TBC1D32: variants seen among roughly 807,000 people sequenced by gnomAD.
TBC1D32 encodes the protein protein broad-minded.
TBC1D32 carries 151 observed loss-of-function variants against 170.3 expected under a neutral mutation model. The ratio of observed to expected loss-of-function variants is 0.89; its 90% CI spans 0.78 to 1.01. The LOEUF is 1.01. Among genes scored for constraint, TBC1D32 ranks in the 50% least tolerant of loss-of-function variants. TBC1D32 has a pLI of 0.00. For missense variants in TBC1D32, 1,464 were observed against 1,457.1 expected (o/e 1.00, Z -0.08); for synonymous variants, 498 against 488.0 (o/e 1.02, Z -0.27).
chr6:121,205,199 T>G (rs1272744203), intron 21 of TBC1D32, 36 bp from the exon 22 acceptor site: 2 of 1,030,634 alleles, frequency 1.9e-6, no homozygotes, highest in African/African-American at 3.4e-5. Flanking sequence ...TGTATTTAAC[T>G]GATATCATTT....
chr6:121,218,683 A>G (rs1008067812), intron 21 of TBC1D32, among the ~76,000 whole-genome samples: 1 of 152,152 alleles, frequency 6.6e-6, no homozygotes, highest in East Asian at 1.9e-4. Context: ...ATAGATACAT[A>G]GAGAGATATA....
At chr6:121,323,289 G>C (rs2128505153) in intron 1 of TBC1D32, among the ~76,000 whole-genome samples, 1 of 130,244 alleles carries the variant, frequency 7.7e-6, no homozygotes, top group East Asian at 2.4e-4. Flanking sequence ...CAGCCTTCTT[G>C]TTTAACTTCT....
intron 1 of TBC1D32, among the ~76,000 whole-genome samples, chr6:121,326,705 C>T (rs760560282): frequency 2.4e-4 from 36 of 151,952 alleles, no homozygotes; most frequent in Non-Finnish European, 2.5e-4. Context: ...TTAAATGAAC[C>T]CAAGGACCCC....
At chr6:121,311,685 C>A (rs1407639594) in intron 3 of TBC1D32, among the ~76,000 whole-genome samples, 2 of 151,058 alleles carry the variant, frequency 1.3e-5, no homozygotes, top group Admixed American at 1.3e-4. Flanking sequence ...CAAAATCATG[C>A]CACTGCACTC....
At chr6:121,140,261 A>G (rs1207973649) in intron 24 of TBC1D32, among the ~76,000 whole-genome samples, 1 of 151,860 alleles carries the variant, frequency 6.6e-6, no homozygotes, top group Non-Finnish European at 1.5e-5. Context: ...CTTCTGTTTT[A>G]TATAATATAT....
intron 21 of TBC1D32, among the ~76,000 whole-genome samples, chr6:121,211,968 GAATA>G (rs1383129788): frequency 1.1e-3 from 163 of 144,096 alleles, no homozygotes; most frequent in African/African-American, 4.0e-3. Flanking sequence ...TGTATCTGCT[GAATA>G]AATAAATGAA....
At chr6:121,305,094 AG>A (rs1207122995) in intron 5 of TBC1D32, among the ~76,000 whole-genome samples, 1 of 152,066 alleles carries the variant, frequency 6.6e-6, no homozygotes, top group Non-Finnish European at 1.5e-5. Flanking sequence ...CATGGTGAGG[AG>A]GGGGTAAGGT....
At chr6:121,143,060 A>G (rs1193852030) in intron 24 of TBC1D32, among the ~76,000 whole-genome samples, 1 of 152,178 alleles carries the variant, frequency 6.6e-6, no homozygotes, top group Non-Finnish European at 1.5e-5. Context: ...CTTATATTAT[A>G]GTACTAGCTA....
At chr6:121,267,347 T>C (rs1800670401) in intron 15 of TBC1D32, among the ~76,000 whole-genome samples, 1 of 151,826 alleles carries the variant, frequency 6.6e-6, no homozygotes, top group Non-Finnish European at 1.5e-5. Flanking sequence ...GCCCAAGGGG[T>C]CAGGGAATTC....
chr6:121,187,719 T>C (rs1375414193), intron 22 of TBC1D32, among the ~76,000 whole-genome samples: 2 of 134,548 alleles, frequency 1.5e-5, no homozygotes, highest in African/African-American at 5.9e-5. Context: ...AGGATGATGA[T>C]GAAGGGAAAT....
chr6:121,310,945 T>A (rs1489922498), intron 3 of TBC1D32, 98 bp from the exon 4 acceptor site: 1 of 728,764 alleles, frequency 1.4e-6, no homozygotes, highest in Non-Finnish European at 2.3e-6. Context: ...CAAAACACAA[T>A]CCAGACAAGA....
intron 3 of TBC1D32, among the ~76,000 whole-genome samples, chr6:121,316,483 AC>A (rs1309471518): frequency 6.6e-6 from 1 of 152,064 alleles, no homozygotes; most frequent in African/African-American, 2.4e-5. Context: ...CTTTTTCCAC[AC>A]AGTTCCTCAG....
chr6:121,085,375 A>G (rs56710830), intron 31 of TBC1D32, among the ~76,000 whole-genome samples: 39,279 of 135,700 alleles, frequency 0.29, 7,688 homozygotes, highest in African/African-American at 0.62. Flanking sequence ...ATATATGTGT[A>G]TATATATATA....
At chr6:121,285,845 T>A (rs1803728329) in intron 12 of TBC1D32, among the ~76,000 whole-genome samples, 1 of 152,218 alleles carries the variant, frequency 6.6e-6, no homozygotes, top group South Asian at 2.1e-4. Flanking sequence ...TCCGCTGTTC[T>A]GCAGCCTCTG....
At chr6:121,097,517 G>A (rs1473512086) in intron 30 of TBC1D32, among the ~76,000 whole-genome samples, 1 of 152,112 alleles carries the variant, frequency 6.6e-6, no homozygotes, top group African/African-American at 2.4e-5. Context: ...CAGTTAGAAT[G>A]GCAATCATTC....
chr6:121,295,495 A>T (rs1805484668), intron 10 of TBC1D32, among the ~76,000 whole-genome samples: 1 of 152,108 alleles, frequency 6.6e-6, no homozygotes, highest in Non-Finnish European at 1.5e-5. Context: ...GCTGAGAAAA[A>T]TTTAAAAAAT....
chr6:121,168,351 G>A (rs1199599027), intron 22 of TBC1D32, among the ~76,000 whole-genome samples: 1 of 140,112 alleles, frequency 7.1e-6, no homozygotes, highest in African/African-American at 2.6e-5. Flanking sequence ...AGAAAATGTG[G>A]CACATATACA....
intron 24 of TBC1D32, among the ~76,000 whole-genome samples, chr6:121,148,554 T>C (rs1381330733): frequency 2.6e-5 from 4 of 152,166 alleles, no homozygotes; most frequent in Admixed American, 6.5e-5. Flanking sequence ...CCTTGAGGAA[T>C]TGCCACACCA....
intron 22 of TBC1D32, among the ~76,000 whole-genome samples, chr6:121,198,793 T>G (rs1165041441): frequency 1.3e-5 from 2 of 151,160 alleles, no homozygotes; most frequent in African/African-American, 4.9e-5. Context: ...TCGAAGGCAC[T>G]GTAGATAAAA....
Sources: gnomAD v4.1 joint callset for allele counts (sites outside exome capture counted in the v4.1 genomes callset) on GRCh38, gnomAD v4.1.1 for gene constraint, MANE v1.5 for transcripts, NCBI Gene and HGNC (gene_info 2026-07-23, HGNC 2026-07-21) for gene names.